Variants in NELL1 observed in about 807,000 individuals in gnomAD.
NELL1 encodes the protein protein kinase C-binding protein NELL1.
Under a neutral mutation model 107.4 loss-of-function variants are expected in NELL1, and 76 were observed. That is an observed-to-expected ratio of 0.71 (90% CI 0.59 to 0.86). The LOEUF (loss-of-function observed/expected upper bound fraction) is 0.86. Among genes scored for constraint, NELL1 ranks in the 40% least tolerant of loss-of-function variants. The pLI is 0.00. For missense variants in NELL1, 1,024 were observed against 1,005.5 expected (o/e 1.02, Z -0.25); for synonymous variants, 353 against 341.2 (o/e 1.03, Z -0.38).
intron 10 of NELL1, among the ~76,000 whole-genome samples, chr11:20,940,790 C>T (rs1411814680): frequency 2.0e-5 from 3 of 152,166 alleles, no homozygotes; most frequent in African/African-American, 7.2e-5. Context: ...AGACAGGCAT[C>T]TTTGGAGACC....
chr11:21,133,453 A>T (rs1267466117), intron 13 of NELL1, among the ~76,000 whole-genome samples: 3 of 152,068 alleles, frequency 2.0e-5, no homozygotes, highest in African/African-American at 7.2e-5. Context: ...GCCACCATCA[A>T]CCTGCTGTCC....
Position 21,227,779 on chromosome 11 carries a change from T to G in NELL1, c.1427-1553T>G, listed in dbSNP as rs140658408. On this transcript the variant is annotated intron_variant, in intron 13 of 19. Coordinates refer to ENST00000357134, the MANE Select transcript of NELL1 (RefSeq NM_006157.5). ...TCTTGCTGACAGTTTGGGTTGGTCT[T>G]AAGGCCTAAATAAAAATTTTATTTG... Among the ~76,000 whole-genome samples, 236 of 152,320 alleles carry G rather than the reference T, an allele frequency of 1.5e-3. 5 individuals are homozygous for G. The East Asian group carries it at 0.034, about 22-fold the overall frequency.
chr11:20,762,355 G>A (rs957497109), intron 2 of NELL1, among the ~76,000 whole-genome samples: 1 of 152,154 alleles, frequency 6.6e-6, no homozygotes, highest in African/African-American at 2.4e-5. Flanking sequence ...TTTGTACACT[G>A]AGCACGTCTG....
intron 12 of NELL1, among the ~76,000 whole-genome samples, chr11:21,032,826 T>C (rs1244887998): frequency 6.6e-6 from 1 of 152,236 alleles, no homozygotes; most frequent in East Asian, 1.9e-4. Context: ...TGATGTGATT[T>C]ATCCATGTAG....
At chr11:21,307,277 A>C (rs938565444) in intron 14 of NELL1, among the ~76,000 whole-genome samples, 27 of 152,106 alleles carry the variant, frequency 1.8e-4, no homozygotes, top group African/African-American at 6.5e-4. Context: ...TTTACTGTAG[A>C]TGAAATAGTC....
intron 13 of NELL1, among the ~76,000 whole-genome samples, chr11:21,125,859 A>G (rs1855475419): frequency 6.6e-6 from 1 of 152,202 alleles, no homozygotes; most frequent in African/African-American, 2.4e-5. Flanking sequence ...AGGGCTCTGA[A>G]TCAGCCAGGC....
At chr11:20,729,853 G>C (rs1855591154) in intron 2 of NELL1, among the ~76,000 whole-genome samples, 1 of 152,172 alleles carries the variant, frequency 6.6e-6, no homozygotes. Flanking sequence ...TGTCTGTGGA[G>C]CTGAGCCAAT....
intron 4 of NELL1, among the ~76,000 whole-genome samples, chr11:20,862,183 T>C (rs2134074803): frequency 6.6e-6 from 1 of 152,320 alleles, no homozygotes; most frequent in Non-Finnish European, 1.5e-5. Context: ...ATCATGATGA[T>C]TCGGATGCTA....
chr11:20,731,112 A>G (rs1345514581), intron 2 of NELL1, among the ~76,000 whole-genome samples: 1 of 152,060 alleles, frequency 6.6e-6, no homozygotes, highest in East Asian at 1.9e-4. Flanking sequence ...GCAGCTCCAA[A>G]AGGGGCATTT....
chr11:21,433,167 T>C (rs973389180), intron 15 of NELL1, among the ~76,000 whole-genome samples: 2 of 152,206 alleles, frequency 1.3e-5, no homozygotes, highest in African/African-American at 4.8e-5. Context: ...TCACTTCATA[T>C]TAATATTCTC....
intron 2 of NELL1, among the ~76,000 whole-genome samples, chr11:20,716,475 T>TC (rs1797551418): frequency 6.6e-6 from 1 of 152,224 alleles, no homozygotes; most frequent in South Asian, 2.1e-4. Context: ...AAATGGAAGT[T>TC]CCCCTCCTGG....
chr11:21,196,482 G>C (rs1040769036), intron 13 of NELL1, among the ~76,000 whole-genome samples: 1 of 152,142 alleles, frequency 6.6e-6, no homozygotes, highest in Middle Eastern at 3.4e-3. Context: ...TAGAATGCTA[G>C]AGGGTTGCTA....
intron 14 of NELL1, among the ~76,000 whole-genome samples, chr11:21,275,835 T>G (rs896529289): frequency 1.3e-5 from 2 of 152,168 alleles, no homozygotes; most frequent in African/African-American, 4.8e-5. Flanking sequence ...AAAAGGCCTT[T>G]GACAAAATTC....
intron 14 of NELL1, among the ~76,000 whole-genome samples, chr11:21,327,569 A>G (rs1850174281): frequency 6.6e-6 from 1 of 152,194 alleles, no homozygotes; most frequent in Non-Finnish European, 1.5e-5. Flanking sequence ...GAACAGACTA[A>G]TACAGTAAAT....
At chr11:20,899,619 A>T (rs1221940323) in intron 5 of NELL1, among the ~76,000 whole-genome samples, 1 of 152,142 alleles carries the variant, frequency 6.6e-6, no homozygotes, top group Non-Finnish European at 1.5e-5. Flanking sequence ...GTAAGCATGA[A>T]ATCGTAAGAA....
At chr11:21,260,922 T>C (rs1848516970) in intron 14 of NELL1, among the ~76,000 whole-genome samples, 2 of 151,902 alleles carry the variant, frequency 1.3e-5, no homozygotes, top group South Asian at 4.1e-4. Context: ...TAATACTTTC[T>C]ATCAATTTCT....
At chr11:20,829,170 A>T (rs1857949514) in intron 3 of NELL1, among the ~76,000 whole-genome samples, 1 of 151,374 alleles carries the variant, frequency 6.6e-6, no homozygotes, top group South Asian at 2.1e-4. Context: ...TTAACATCTT[A>T]CGTAACCATG....
chr11:20,968,970 A>C (rs1214883610), intron 12 of NELL1, among the ~76,000 whole-genome samples: 3 of 152,118 alleles, frequency 2.0e-5, no homozygotes, highest in Non-Finnish European at 4.4e-5. Context: ...AGGAAAGAAA[A>C]ATCTGTTTTG....
At chr11:21,257,395 G>A (rs1485760283) in intron 14 of NELL1, among the ~76,000 whole-genome samples, 2 of 152,140 alleles carry the variant, frequency 1.3e-5, no homozygotes, top group South Asian at 2.1e-4. Flanking sequence ...AATCTGTCCT[G>A]TGAGCCTCAC....
Sources: allele counts gnomAD v4.1 joint callset (sites outside exome capture counted in the v4.1 genomes callset), GRCh38; gene constraint gnomAD v4.1.1; transcripts MANE v1.5; gene names NCBI Gene and HGNC (gene_info 2026-07-23, HGNC 2026-07-21).